The following SKAP2 variants were observed in gnomAD, a reference collection of about 807,000 sequenced individuals.
SKAP2 encodes the protein src kinase associated phosphoprotein 2.
A neutral mutation model predicts 54.9 loss-of-function variants in SKAP2; 28 were observed. The observed-to-expected ratio is 0.51, with a 90% confidence interval of 0.38 to 0.70. The LOEUF is 0.70. Ranked by LOEUF, SKAP2 falls within the 30% of genes least tolerant of loss-of-function variation. SKAP2 has a pLI of 0.00. For missense variants in SKAP2, 356 were observed against 424.1 expected (o/e 0.84, Z 1.41); for synonymous variants, 137 against 134.3 (o/e 1.02, Z -0.14).
intron 6 of SKAP2, among the ~76,000 whole-genome samples, chr7:26,733,679 T>G (rs992811861): frequency 6.6e-6 from 1 of 152,200 alleles, no homozygotes; most frequent in Non-Finnish European, 1.5e-5. Flanking sequence ...ATGAAAAATT[T>G]TATTTCTCTG....
chr7:26,799,936 G>A (rs184692531), intron 4 of SKAP2, among the ~76,000 whole-genome samples: 176 of 151,780 alleles, frequency 1.2e-3, no homozygotes, highest in Admixed American at 3.5e-3. Context: ...GGCTAATACG[G>A]TGAAACCCTG....
intron 4 of SKAP2, among the ~76,000 whole-genome samples, chr7:26,761,923 G>A (rs1035704470): frequency 6.6e-6 from 1 of 151,970 alleles, no homozygotes; most frequent in Non-Finnish European, 1.5e-5. Context: ...TATATAATAG[G>A]GTGACCTTTC....
chr7:26,743,636 T>C (rs920707507), intron 4 of SKAP2, among the ~76,000 whole-genome samples: 3 of 152,162 alleles, frequency 2.0e-5, no homozygotes, highest in Non-Finnish European at 4.4e-5. Flanking sequence ...TGAGAAAGAC[T>C]AGTTTTCTTT....
chr7:26,721,126 GAAGA>G (rs1787568033), intron 9 of SKAP2, among the ~76,000 whole-genome samples: 1 of 152,156 alleles, frequency 6.6e-6, no homozygotes, highest in Non-Finnish European at 1.5e-5. Flanking sequence ...GCATTCCAAA[GAAGA>G]AAGGAGAAAA....
At chr7:26,859,019 T>C (rs191825088) in intron 1 of SKAP2, among the ~76,000 whole-genome samples, 1 of 152,260 alleles carries the variant, frequency 6.6e-6, no homozygotes, top group East Asian at 1.9e-4. Flanking sequence ...GCCTCTGTGA[T>C]GGCCTGAATT....
chr7:26,843,102 C>T (rs556244016), intron 4 of SKAP2, among the ~76,000 whole-genome samples: 108 of 152,114 alleles, frequency 7.1e-4, no homozygotes, highest in African/African-American at 2.6e-3. Flanking sequence ...CTCATAAAAG[C>T]AATTTATGTT....
chr7:26,665,668 C>T (rs1209117676), downstream of SKAP2, among the ~76,000 whole-genome samples: 1 of 152,100 alleles, frequency 6.6e-6, no homozygotes, highest in East Asian at 1.9e-4. Flanking sequence ...AAATGTCATT[C>T]CATGCTACTG....
chr7:26,723,555 GA>G (rs1253658696), intron 9 of SKAP2, among the ~76,000 whole-genome samples: 2 of 152,220 alleles, frequency 1.3e-5, no homozygotes, highest in Non-Finnish European at 2.9e-5. Context: ...GGTGGGTGAG[GA>G]GGGGGGCAAG....
chr7:26,660,935 C>T, the SKAP2 span, among the ~76,000 whole-genome samples: 19 of 152,152 alleles, frequency 1.2e-4, no homozygotes, highest in Admixed American at 8.5e-4. Context: ...TACTACATCA[C>T]GCTATAGATT....
chr7:26,802,367 G>A (rs1290162298), intron 4 of SKAP2, among the ~76,000 whole-genome samples: 1 of 150,084 alleles, frequency 6.7e-6, no homozygotes, highest in African/African-American at 2.4e-5. Context: ...CGCCTCCCGA[G>A]TTCAAGCGAT....
chr7:26,813,712 G>A (rs929130485), intron 4 of SKAP2, among the ~76,000 whole-genome samples: 11 of 152,172 alleles, frequency 7.2e-5, no homozygotes, highest in African/African-American at 2.7e-4. Flanking sequence ...ATCACCATTA[G>A]CCACTACTCA....
At chr7:26,806,630 G>A (rs970148318) in intron 4 of SKAP2, among the ~76,000 whole-genome samples, 5 of 152,174 alleles carry the variant, frequency 3.3e-5, no homozygotes, top group Non-Finnish European at 5.9e-5. Flanking sequence ...GAATGCAAAG[G>A]TAAAGTCATT....
intron 11 of SKAP2, among the ~76,000 whole-genome samples, chr7:26,674,314 A>G (rs1584323236): frequency 6.6e-6 from 1 of 152,100 alleles, no homozygotes; most frequent in Non-Finnish European, 1.5e-5. Flanking sequence ...CTTCATTGTG[A>G]TATCTTTATT....
intron 9 of SKAP2, among the ~76,000 whole-genome samples, chr7:26,720,843 G>A (rs1787563255): frequency 6.6e-6 from 1 of 152,008 alleles, no homozygotes; most frequent in Non-Finnish European, 1.5e-5. Flanking sequence ...ATCTCCACCT[G>A]GTCCCTCCCA....
chr7:26,687,549 C>T (rs965145475), intron 10 of SKAP2, among the ~76,000 whole-genome samples: 4 of 151,968 alleles, frequency 2.6e-5, no homozygotes, highest in African/African-American at 9.7e-5. Context: ...AAAAAAAACC[C>T]TGGCAGTATA....
intron 4 of SKAP2, among the ~76,000 whole-genome samples, chr7:26,764,385 C>CAT (rs1782999258): frequency 6.6e-6 from 1 of 152,166 alleles, no homozygotes; most frequent in African/African-American, 2.4e-5. Flanking sequence ...CCGTAAACTT[C>CAT]GTGTGCGTTC....
chr7:26,801,776 A>C (rs1783920199), intron 4 of SKAP2, among the ~76,000 whole-genome samples: 1 of 152,200 alleles, frequency 6.6e-6, no homozygotes, highest in African/African-American at 2.4e-5. Flanking sequence ...CATAAAATTA[A>C]ATACCTAGAA....
At chr7:26,703,825 G>T (rs1055681874) in intron 9 of SKAP2, among the ~76,000 whole-genome samples, 3 of 152,062 alleles carry the variant, frequency 2.0e-5, no homozygotes, top group Non-Finnish European at 4.4e-5. Context: ...ATGAAACGAA[G>T]GCATAGAAAC....
In SKAP2 at chr7:26,837,075, T is replaced by C. The variant is rs141803730; in HGVS notation, c.307+6955A>G. 5.2e-3 allele frequency among the ~76,000 whole-genome samples: 788 copies of C among 152,152 alleles called. 6 individuals are homozygous for C. Among genetic ancestry groups the C allele is most frequent in the African/African-American group, 0.018 (744 of 41,498 alleles). The stretch of plus-strand genomic sequence containing the variant: ...CTGGAAACCATCATTCTCAGCAAAC[T>C]AACACAAGAACAGAAAACCACACAT... On this transcript the variant is annotated intron_variant, in intron 4 of 12. Coordinates refer to ENST00000345317, the MANE Select transcript of SKAP2 (RefSeq NM_003930.5).
Sources: gnomAD v4.1 joint callset for allele counts (sites outside exome capture counted in the v4.1 genomes callset) on GRCh38, gnomAD v4.1.1 for gene constraint, MANE v1.5 for transcripts, NCBI Gene and HGNC (gene_info 2026-07-23, HGNC 2026-07-21) for gene names.